Variants in XKR6 observed in about 807,000 individuals in gnomAD.
XKR6 encodes the protein XK related 6.
Under a neutral mutation model 56.7 loss-of-function variants are expected in XKR6, and 22 were observed. The observed-to-expected ratio is 0.39, with a 90% CI of 0.28 to 0.55. XKR6 has a LOEUF of 0.55. Ranked by LOEUF, XKR6 falls within the 20% of genes least tolerant of loss-of-function variation. The probability of loss-of-function intolerance (pLI) is 0.66; values close to 1 mark genes in which losing one functional copy is unlikely to be tolerated. For synonymous variants in XKR6, 524 were observed against 387.8 expected (o/e 1.35, Z -4.13); for missense variants, 852 against 889.0 (o/e 0.96, Z 0.53).
chr8:11,137,675 A>G (rs7827026), intron 1 of XKR6: 48,008 of 456,096 alleles, frequency 0.11, 3,980 homozygotes, highest in African/African-American at 0.32. Flanking sequence ...AATGTGGAGC[A>G]CAAGCAGCGG....
chr8:11,154,358 G>A (rs1041984443), intron 1 of XKR6, among the ~76,000 whole-genome samples: 3 of 152,168 alleles, frequency 2.0e-5, no homozygotes, highest in African/African-American at 7.2e-5. Flanking sequence ...CCGTGCGTAC[G>A]GTCACACATC....
chr8:11,132,814 T>G lies in XKR6; in HGVS notation c.764+67762A>C, dbSNP rs532045477. On this transcript the variant is annotated intron_variant, in intron 1 of 2. Coordinates refer to ENST00000416569, the MANE Select transcript of XKR6 (RefSeq NM_173683.4). Reference sequence around the variant, plus strand: ...ACATTTTTTTTCTTGGAAGACTTTTTTTATTACTTACATTTCTTTTCACCT... The same window carrying G: ...ACATTTTTTTTCTTGGAAGACTTTTGTTATTACTTACATTTCTTTTCACCT... Among the ~76,000 whole-genome samples, 12 of 151,726 alleles carry G rather than the reference T, an allele frequency of 7.9e-5. No homozygotes were observed. In the East Asian group the frequency reaches 2.3e-3, roughly 29 times the overall value.
chr8:10,900,857 C>CCT (rs373585629), intron 2 of XKR6, among the ~76,000 whole-genome samples: 1 of 114,372 alleles, frequency 8.7e-6, no homozygotes, highest in Non-Finnish European at 1.7e-5. Context: ...GTGCAATTAC[C>CCT]TTTTTTTTTT....
At chr8:10,923,381 G>T (rs981313563) in intron 2 of XKR6, among the ~76,000 whole-genome samples, 2 of 152,178 alleles carry the variant, frequency 1.3e-5, no homozygotes, top group Non-Finnish European at 2.9e-5. Context: ...GGCTGTTCTG[G>T]TTCAGTAGAT....
intron 1 of XKR6, among the ~76,000 whole-genome samples, chr8:10,943,414 G>T (rs926444463): frequency 2.0e-5 from 3 of 151,998 alleles, no homozygotes; most frequent in African/African-American, 7.2e-5. Context: ...CTGCCTTCTC[G>T]CCTGTTCCCC....
chr8:10,986,441 A>C (rs1030272442), intron 1 of XKR6, among the ~76,000 whole-genome samples: 8 of 152,238 alleles, frequency 5.3e-5, no homozygotes, highest in African/African-American at 1.9e-4. Context: ...TGTAACAACT[A>C]TGAAAGATAA....
chr8:11,030,295 C>T (rs550250446), intron 1 of XKR6, among the ~76,000 whole-genome samples: 1 of 152,306 alleles, frequency 6.6e-6, no homozygotes, highest in East Asian at 1.9e-4. Flanking sequence ...GTCCCAAGGC[C>T]AGCCACAGAA....
intron 1 of XKR6, among the ~76,000 whole-genome samples, chr8:11,143,903 A>T (rs1800840410): frequency 6.6e-6 from 1 of 152,062 alleles, no homozygotes; most frequent in Non-Finnish European, 1.5e-5. Flanking sequence ...CTAGGTCTCA[A>T]ATGGGTTGTT....
At chr8:11,016,051 C>A (rs1798612457) in intron 1 of XKR6, among the ~76,000 whole-genome samples, 3 of 152,132 alleles carry the variant, frequency 2.0e-5, no homozygotes, top group Non-Finnish European at 4.4e-5. Context: ...GCGATCCCTG[C>A]CCCCTTCCAC....
chr8:11,194,159 T>C (rs1585042206), intron 1 of XKR6, among the ~76,000 whole-genome samples: 1 of 152,190 alleles, frequency 6.6e-6, no homozygotes, highest in African/African-American at 2.4e-5. Context: ...GAATCTGAAA[T>C]TCCCTCTTTA....
chr8:11,095,135 A>G (rs1798226294), intron 1 of XKR6, among the ~76,000 whole-genome samples: 1 of 152,224 alleles, frequency 6.6e-6, no homozygotes, highest in Non-Finnish European at 1.5e-5. Flanking sequence ...CTAGAGAAAC[A>G]GGGATGTATT....
chr8:11,196,961 A>T (rs575620475), intron 1 of XKR6, among the ~76,000 whole-genome samples: 3 of 143,256 alleles, frequency 2.1e-5, no homozygotes, highest in African/African-American at 7.6e-5. Context: ...GCCCAGCAAC[A>T]TTCACTGCAG....
At chr8:11,100,267 T>A (rs114011443) in intron 1 of XKR6, among the ~76,000 whole-genome samples, 2,067 of 152,254 alleles carry the variant, frequency 0.014, 42 homozygotes, top group African/African-American at 0.046. Context: ...TTGCCCAGGC[T>A]GGTCTCGAAA....
intron 1 of XKR6, among the ~76,000 whole-genome samples, chr8:10,941,469 A>G (rs1433663351): frequency 1.2e-4 from 18 of 152,210 alleles, no homozygotes; most frequent in Admixed American, 1.2e-3. Flanking sequence ...GACCCCATGC[A>G]CTGGGCTGTT....
At chr8:11,196,939 G>C (rs1027195250) in intron 1 of XKR6, among the ~76,000 whole-genome samples, 53 of 151,940 alleles carry the variant, frequency 3.5e-4, no homozygotes, top group African/African-American at 1.3e-3. Flanking sequence ...AAATAATAAA[G>C]CATCTTCACC....
chr8:10,948,713 G>C (rs565273824), intron 1 of XKR6, among the ~76,000 whole-genome samples: 2 of 152,122 alleles, frequency 1.3e-5, no homozygotes, highest in Non-Finnish European at 2.9e-5. Context: ...CTTTCCCATG[G>C]GGAAGGCCCC....
chr8:10,950,510 C>A (rs888533339), intron 1 of XKR6, among the ~76,000 whole-genome samples: 1 of 152,158 alleles, frequency 6.6e-6, no homozygotes, highest in African/African-American at 2.4e-5. Context: ...CCTCAGTCAC[C>A]TCGTTCATAA....
intron 1 of XKR6, among the ~76,000 whole-genome samples, chr8:11,186,489 A>G (rs927139854): frequency 2.6e-5 from 4 of 152,090 alleles, no homozygotes; most frequent in Non-Finnish European, 5.9e-5. Flanking sequence ...TAGTCTTCCC[A>G]TCTCAGCCTC....
intron 1 of XKR6, among the ~76,000 whole-genome samples, chr8:11,164,843 C>A (rs1000185979): frequency 3.3e-5 from 5 of 152,184 alleles, no homozygotes; most frequent in African/African-American, 1.2e-4. Flanking sequence ...GTCTCCCATA[C>A]CAACACCATC....
Sources: allele counts gnomAD v4.1 joint callset (sites outside exome capture counted in the v4.1 genomes callset), GRCh38; gene constraint gnomAD v4.1.1; transcripts MANE v1.5; gene names NCBI Gene and HGNC (gene_info 2026-07-23, HGNC 2026-07-21).